Variants in GLIS3 observed in about 807,000 individuals in gnomAD.
GLIS3 encodes the protein zinc finger protein GLIS3.
GLIS3 carries 53 observed loss-of-function variants against 78.6 expected under a neutral mutation model. That is an observed-to-expected ratio of 0.67 (90% CI 0.54 to 0.85). The LOEUF (loss-of-function observed/expected upper bound fraction) is 0.85. GLIS3 is among the 40% of genes least tolerant of loss of function. The probability of loss-of-function intolerance (pLI) is 0.00; values close to 1 mark genes in which losing one functional copy is unlikely to be tolerated. For missense variants in GLIS3, 1,703 were observed against 1,231.1 expected, an observed-to-expected ratio of 1.38 and a Z score of -5.74; for synonymous variants, 684 against 509.9, an observed-to-expected ratio of 1.34 and a Z score of -4.60.
chr9:4,250,421 C>G (rs527917964), intron 2 of GLIS3, among the ~76,000 whole-genome samples: 1 of 152,144 alleles, frequency 6.6e-6, no homozygotes, highest in East Asian at 1.9e-4. Context: ...TTATAGTATT[C>G]TCTGATGGTA....
intron 4 of GLIS3, among the ~76,000 whole-genome samples, chr9:4,307,205 C>A (rs1817248419): frequency 6.6e-6 from 1 of 152,096 alleles, no homozygotes. Flanking sequence ...CGCAGCCTCC[C>A]TTGGCTCCAG....
the GLIS3 span, among the ~76,000 whole-genome samples, chr9:4,370,611 C>T: frequency 6.6e-6 from 1 of 151,982 alleles, no homozygotes; most frequent in Non-Finnish European, 1.5e-5. Context: ...AGAACGGAAG[C>T]TGCATAATAT....
chr9:4,371,642 C>T, the GLIS3 span, among the ~76,000 whole-genome samples: 1 of 152,126 alleles, frequency 6.6e-6, no homozygotes, highest in Non-Finnish European at 1.5e-5. Flanking sequence ...ACCACTACAA[C>T]CTTTCAACTG....
At chr9:4,342,309 G>A (rs146582327) in intron 2 of GLIS3, among the ~76,000 whole-genome samples, 12 of 152,268 alleles carry the variant, frequency 7.9e-5, no homozygotes, top group South Asian at 2.1e-4. Flanking sequence ...TTCTGCACGC[G>A]GCTAGCCAGT....
At chr9:4,056,145 G>A (rs550802484) in intron 4 of GLIS3, among the ~76,000 whole-genome samples, 107 of 152,322 alleles carry the variant, frequency 7.0e-4, no homozygotes, top group African/African-American at 2.5e-3. Flanking sequence ...TCATCCTAGC[G>A]TATAAGAATG....
intron 2 of GLIS3, among the ~76,000 whole-genome samples, chr9:4,183,862 C>A (rs1817543674): frequency 6.6e-6 from 1 of 152,160 alleles, no homozygotes. Flanking sequence ...CCTTTCAGAT[C>A]CTTAAGGGCA....
At chr9:4,452,832 C>CA in the GLIS3 span, among the ~76,000 whole-genome samples, 4,445 of 152,004 alleles carry the variant, frequency 0.029, 243 homozygotes, top group African/African-American at 0.1. Context: ...CATATGGAAC[C>CA]AAAAAAGAGC....
chr9:4,445,105 G>A, the GLIS3 span, among the ~76,000 whole-genome samples: 22 of 152,214 alleles, frequency 1.4e-4, no homozygotes, highest in South Asian at 1.2e-3. Context: ...ATTCAAGCAC[G>A]GCACAGTGGT....
chr9:4,193,891 G>A (rs1483900927), intron 2 of GLIS3, among the ~76,000 whole-genome samples: 2 of 152,190 alleles, frequency 1.3e-5, no homozygotes, highest in African/African-American at 4.8e-5. Context: ...TGTTTCCCTG[G>A]CTGACGAATG....
At chr9:3,985,494 A>G (rs1189071058) in intron 4 of GLIS3, among the ~76,000 whole-genome samples, 2 of 152,188 alleles carry the variant, frequency 1.3e-5, no homozygotes, top group Admixed American at 6.5e-5. Flanking sequence ...AAACTTCTAC[A>G]GTTTGAGGAA....
intron 4 of GLIS3, among the ~76,000 whole-genome samples, chr9:3,961,904 A>C (rs1817581931): frequency 6.6e-6 from 1 of 152,162 alleles, no homozygotes; most frequent in South Asian, 2.1e-4. Flanking sequence ...TAAACATGGA[A>C]TATGAAAGTA....
chr9:4,484,242 T>TA, the GLIS3 span, among the ~76,000 whole-genome samples: 1,351 of 147,284 alleles, frequency 9.2e-3, 17 homozygotes, highest in Middle Eastern at 0.021. Context: ...TTTTTTTATT[T>TA]TTTTTATTTT....
chr9:4,049,085 G>GCA (rs1447871771), intron 4 of GLIS3, among the ~76,000 whole-genome samples: 14 of 152,134 alleles, frequency 9.2e-5, no homozygotes, highest in Admixed American at 6.6e-5. Flanking sequence ...ACACACCAAT[G>GCA]ATGTCTGAGC....
At chr9:4,149,671 C>A (rs1834515449) in intron 2 of GLIS3, among the ~76,000 whole-genome samples, 1 of 152,184 alleles carries the variant, frequency 6.6e-6, no homozygotes. Flanking sequence ...TATTACATAA[C>A]CCCTTTTACT....
chr9:4,147,883 T>C (rs1834354064), intron 2 of GLIS3, among the ~76,000 whole-genome samples: 1 of 152,140 alleles, frequency 6.6e-6, no homozygotes, highest in Non-Finnish European at 1.5e-5. Context: ...TAGCTAACTC[T>C]GCAAACCCTG....
At chr9:3,857,583 G>C (rs1253764564) in intron 8 of GLIS3, among the ~76,000 whole-genome samples, 1 of 152,158 alleles carries the variant, frequency 6.6e-6, no homozygotes, top group African/African-American at 2.4e-5. Context: ...AGTAGGACTC[G>C]CTAACCTCTA....
intron 4 of GLIS3, among the ~76,000 whole-genome samples, chr9:3,997,278 G>A (rs768732224): frequency 1.3e-4 from 20 of 152,202 alleles, no homozygotes; most frequent in South Asian, 2.1e-4. Flanking sequence ...CTCAGGAGGC[G>A]GAGGTTGAGG....
chr9:4,450,680 T>G, the GLIS3 span, among the ~76,000 whole-genome samples: 1 of 151,914 alleles, frequency 6.6e-6, no homozygotes, highest in African/African-American at 2.4e-5. Context: ...CAAAAGAGAG[T>G]GGGGGCCAAT....
chr9:3,874,589 G>T (rs924257227), intron 8 of GLIS3, among the ~76,000 whole-genome samples: 1 of 152,096 alleles, frequency 6.6e-6, no homozygotes, highest in African/African-American at 2.4e-5. Flanking sequence ...CAGAAGTGGG[G>T]GGCAGTCCTG....
Sources: allele counts gnomAD v4.1 joint callset (sites outside exome capture counted in the v4.1 genomes callset), GRCh38; gene constraint gnomAD v4.1.1; transcripts MANE v1.5; gene names NCBI Gene and HGNC (gene_info 2026-07-23, HGNC 2026-07-21).